The following LMAN2 variants were observed in gnomAD, a reference collection of about 807,000 sequenced individuals.
The protein encoded by LMAN2 is vesicular integral-membrane protein VIP36.
In LMAN2, 22 loss-of-function variants were observed where a neutral mutation model predicts 39.3. The observed-to-expected ratio is 0.56, with a 90% confidence interval of 0.40 to 0.80. LMAN2 has a LOEUF of 0.80. Ranked by LOEUF, LMAN2 falls within the 30% of genes least tolerant of loss-of-function variation. The probability of loss-of-function intolerance (pLI) is 0.00; values close to 1 mark genes in which losing one functional copy is unlikely to be tolerated. For synonymous variants in LMAN2, 207 were observed against 207.8 expected (o/e 1.00, Z 0.03); for missense variants, 494 against 505.4 (o/e 0.98, Z 0.22).
At chr5:177,342,536 A>G (rs1761572101) in intron 2 of LMAN2, among the ~76,000 whole-genome samples, 2 of 152,082 alleles carry the variant, frequency 1.3e-5, no homozygotes, top group African/African-American at 2.4e-5. Context: ...AAATACAAAA[A>G]TTAGCTGGGC....
chr5:177,351,062 G>C, intron 2 of LMAN2, 111 bp downstream of exon 2: 2 of 897,554 alleles, frequency 2.2e-6, no homozygotes, highest in Non-Finnish European at 3.7e-6. Flanking sequence ...ATGAGGAAAA[G>C]GCCAGGGACG....
Position 177,346,748 on chromosome 5 carries a change from T to C in LMAN2, c.315+4425A>G, listed in dbSNP as rs369043952. Among the ~76,000 whole-genome samples, 4 of 152,180 alleles carry C rather than the reference T, an allele frequency of 2.6e-5. No homozygotes were observed. The East Asian group carries it at 7.7e-4, about 29-fold the overall frequency. On this transcript the variant is annotated intron_variant, in intron 2 of 7. Transcript: ENST00000303127. ...AACTCCTTGACTCAAGCAATCCTCCTGCCTCAGCCTCCCCAGTAGCTGACA... is the reference window on the plus strand; with the variant it reads ...AACTCCTTGACTCAAGCAATCCTCCCGCCTCAGCCTCCCCAGTAGCTGACA...
chr5:177,340,854 AC>A (rs1761540777), intron 2 of LMAN2, among the ~76,000 whole-genome samples: 1 of 150,948 alleles, frequency 6.6e-6, no homozygotes, highest in Non-Finnish European at 1.5e-5. Context: ...TCCCGGGTTC[AC>A]GCCATTCTCC....
rs572212117 is a variant in LMAN2, at chr5:177,338,256, T to C, written c.433+232A>G. Among the ~76,000 whole-genome samples, 3 of 152,310 alleles carry C rather than the reference T, an allele frequency of 2.0e-5. No homozygotes were observed. The East Asian group carries it at 5.8e-4, about 29-fold the overall frequency. On this transcript the variant is annotated intron_variant, in intron 3 of 7. Transcript: ENST00000303127. ...TGGTAAAACCAGGCCAATGAGGGTG[T>C]AGGGTTGAGCTGCAGGACCCAGCTG...
At chr5:177,336,473 G>A (rs976129423) in intron 6 of LMAN2, among the ~76,000 whole-genome samples, 2 of 152,236 alleles carry the variant, frequency 1.3e-5, no homozygotes, top group African/African-American at 4.8e-5. Context: ...GTGAAGGAGG[G>A]GACCACTTGG....
intron 2 of LMAN2, among the ~76,000 whole-genome samples, chr5:177,350,101 G>A (rs945249436): frequency 1.3e-5 from 2 of 152,262 alleles, no homozygotes; most frequent in Admixed American, 1.3e-4. Flanking sequence ...ACTGAAAGCT[G>A]AAGAAAGTAT....
intron 2 of LMAN2, among the ~76,000 whole-genome samples, chr5:177,349,481 T>A (rs993039601): frequency 6.6e-6 from 1 of 151,982 alleles, no homozygotes; most frequent in East Asian, 1.9e-4. Flanking sequence ...CAGAGCCAAA[T>A]AGAAAGGTGG....
At chr5:177,333,516 A>G (rs1323383232) in intron 7 of LMAN2, among the ~76,000 whole-genome samples, 1 of 152,232 alleles carries the variant, frequency 6.6e-6, no homozygotes, top group Non-Finnish European at 1.5e-5. Context: ...GTGAACTGTC[A>G]CATAAAACAC....
chr5:177,346,579 G>C (rs919228461), intron 2 of LMAN2, among the ~76,000 whole-genome samples: 1 of 151,780 alleles, frequency 6.6e-6, no homozygotes, highest in African/African-American at 2.4e-5. Flanking sequence ...CTAAGTTTTT[G>C]TATGTACCTA....
intron 2 of LMAN2, among the ~76,000 whole-genome samples, chr5:177,348,687 CAAAAAAAAAAAAAAA>C (rs35269220): frequency 3.0e-5 from 1 of 33,860 alleles, no homozygotes; most frequent in South Asian, 1.4e-3. Context: ...GACTCTGTCT[CAAAAAAAAAAAAAAA>C]AAAAAAAAAA....
At chr5:177,345,339 T>TAAAA (rs10639580) in intron 2 of LMAN2, among the ~76,000 whole-genome samples, 58 of 52,336 alleles carry the variant, frequency 1.1e-3, no homozygotes, top group African/African-American at 1.8e-3. Context: ...AGACCCTGTC[T>TAAAA]AAAAAAAAAA....
intron 2 of LMAN2, among the ~76,000 whole-genome samples, chr5:177,342,412 A>G (rs1761567349): frequency 6.6e-6 from 1 of 152,198 alleles, no homozygotes; most frequent in South Asian, 2.1e-4. Flanking sequence ...GGCCGGTTGC[A>G]GTGGCTCACA....
chr5:177,338,677 C>T (rs987328027), intron 2 of LMAN2, 72 bp from the exon 3 acceptor site: 23 of 1,216,132 alleles, frequency 1.9e-5, no homozygotes, highest in South Asian at 1.3e-4. Flanking sequence ...AACCCCAGCA[C>T]GGCCCCTGCC....
intron 2 of LMAN2, among the ~76,000 whole-genome samples, chr5:177,343,584 C>T (rs6884715): frequency 6.7e-6 from 1 of 149,806 alleles, no homozygotes; most frequent in Non-Finnish European, 1.5e-5. Flanking sequence ...CACACACACA[C>T]ACACACACAC....
At chr5:177,334,123 G>C (rs886133418) in intron 7 of LMAN2, among the ~76,000 whole-genome samples, 161 bp downstream of exon 7, 1 of 152,240 alleles carries the variant, frequency 6.6e-6, no homozygotes, top group African/African-American at 2.4e-5. Context: ...TAGGAGCTCG[G>C]ACAGGGCCAG....
intron 2 of LMAN2, among the ~76,000 whole-genome samples, chr5:177,349,896 C>T (rs1334744324): frequency 1.3e-5 from 2 of 152,142 alleles, no homozygotes; most frequent in African/African-American, 2.4e-5. Context: ...AGGAACCAAG[C>T]AGGCATGAGG....
chr5:177,337,615 G>C lies in LMAN2; in HGVS notation c.513+91C>G. 1 of 1,605,422 alleles carries C rather than the reference G, an allele frequency of 6.2e-7. No individual in the cohort carries two copies. Among genetic ancestry groups the C allele is most frequent in the Middle Eastern group, 1.7e-4 (1 of 5,802 alleles). On this transcript the variant is annotated intron_variant, in intron 4 of 7. Transcript: ENST00000303127. The surrounding 1 kb of genome is among the most constrained non-coding windows in gnomAD (Gnocchi z 8.2). ...ACCCCAATCCCTGGAGGCTCCTCTT[G>C]TGCTGGGACCATGGAAGTCCCAGGG...
At chr5:177,350,166 G>A (rs1486853841) in intron 2 of LMAN2, among the ~76,000 whole-genome samples, 1 of 151,524 alleles carries the variant, frequency 6.6e-6, no homozygotes, top group Non-Finnish European at 1.5e-5. Flanking sequence ...GAGAGGAGGA[G>A]CAGAGGGGAC....
intron 2 of LMAN2, chr5:177,346,304 GT>G: frequency 6.1e-6 from 2 of 325,256 alleles, no homozygotes; most frequent in Non-Finnish European, 1.2e-5. Context: ...ACACGGGATC[GT>G]TTCCAGATGA....
Sources: allele counts gnomAD v4.1 joint callset (sites outside exome capture counted in the v4.1 genomes callset), GRCh38; gene constraint gnomAD v4.1.1; non-coding constraint Gnocchi (gnomAD v3.1); transcripts MANE v1.5; gene names NCBI Gene and HGNC (gene_info 2026-07-23, HGNC 2026-07-21).